CSMD3: variants seen among roughly 807,000 people sequenced by gnomAD.
CSMD3 encodes the protein CUB and Sushi multiple domains 3, also known as CUB and sushi domain-containing protein 3.
Under a neutral mutation model 435.2 loss-of-function variants are expected in CSMD3, and 177 were observed. The observed-to-expected ratio is 0.41, with a 90% CI of 0.36 to 0.46. The LOEUF (loss-of-function observed/expected upper bound fraction) is 0.46. CSMD3 is among the 20% of genes least tolerant of loss of function. The probability of loss-of-function intolerance (pLI) is 0.34; values close to 1 mark genes in which losing one functional copy is unlikely to be tolerated. For missense variants in CSMD3, 4,265 were observed against 4,504.6 expected (o/e 0.95, Z 1.52); for synonymous variants, 1,656 against 1,520.5 (o/e 1.09, Z -2.07).
intron 6 of CSMD3, among the ~76,000 whole-genome samples, chr8:113,007,151 C>T (rs957213485): frequency 6.6e-6 from 1 of 151,922 alleles, no homozygotes; most frequent in African/African-American, 2.4e-5. Context: ...GAAGGGAGAC[C>T]GTAAAGAAAA....
intron 32 of CSMD3, among the ~76,000 whole-genome samples, chr8:112,459,142 C>T (rs1817172627): frequency 6.6e-6 from 1 of 152,064 alleles, no homozygotes; most frequent in African/African-American, 2.4e-5. Context: ...TAATCCCCTG[C>T]AAAATAGCTT....
chr8:112,313,268 G>A (rs187552660), intron 49 of CSMD3, among the ~76,000 whole-genome samples: 131 of 152,190 alleles, frequency 8.6e-4, no homozygotes, highest in African/African-American at 3.1e-3. Context: ...TAAGCATCAC[G>A]CAAGGAAAAG....
At chr8:112,301,149 T>A (rs978286107) in intron 53 of CSMD3, among the ~76,000 whole-genome samples, 1 of 151,944 alleles carries the variant, frequency 6.6e-6, no homozygotes, top group Non-Finnish European at 1.5e-5. Context: ...TAATATTAAA[T>A]AAATTATTGA....
At chr8:112,244,803 T>C (rs1206150766) in intron 64 of CSMD3, among the ~76,000 whole-genome samples, 1 of 151,990 alleles carries the variant, frequency 6.6e-6, no homozygotes, top group African/African-American at 2.4e-5. Context: ...TGTTAATAGA[T>C]GTTAAATAAA....
chr8:112,929,899 A>T (rs2130699406), intron 9 of CSMD3, among the ~76,000 whole-genome samples: 1 of 152,244 alleles, frequency 6.6e-6, no homozygotes, highest in Non-Finnish European at 1.5e-5. Flanking sequence ...AGTTAAAATC[A>T]TTTGAATATA....
chr8:112,886,464 A>G (rs1487911469), intron 10 of CSMD3, among the ~76,000 whole-genome samples: 1 of 151,366 alleles, frequency 6.6e-6, no homozygotes, highest in Non-Finnish European at 1.5e-5. Flanking sequence ...AGAATTCTTT[A>G]CTTTCAAGCA....
chr8:113,399,078 C>CATAT (rs764141337), intron 1 of CSMD3, among the ~76,000 whole-genome samples: 409 of 90,772 alleles, frequency 4.5e-3, no homozygotes, highest in Middle Eastern at 6.4e-3. Flanking sequence ...AAGGATAGTT[C>CATAT]ATATATATAT....
At chr8:112,328,899 T>TA (rs1823767208) in intron 45 of CSMD3, among the ~76,000 whole-genome samples, 1 of 152,178 alleles carries the variant, frequency 6.6e-6, no homozygotes, top group Admixed American at 6.5e-5. Flanking sequence ...TTCTTTCCTT[T>TA]ATAAATTACC....
At chr8:112,961,210 C>A (rs1296159218) in intron 7 of CSMD3, among the ~76,000 whole-genome samples, 1 of 151,548 alleles carries the variant, frequency 6.6e-6, no homozygotes, top group Non-Finnish European at 1.5e-5. Context: ...ATGCAATATA[C>A]CAAAAATTTG....
At chr8:113,148,580 T>G (rs2131770570) in intron 4 of CSMD3, among the ~76,000 whole-genome samples, 1 of 151,840 alleles carries the variant, frequency 6.6e-6, no homozygotes, top group East Asian at 1.9e-4. Context: ...GAAAAAGTAC[T>G]CAACAAATAG....
intron 8 of CSMD3, among the ~76,000 whole-genome samples, chr8:112,954,278 A>G (rs1564144611): frequency 2.0e-5 from 3 of 151,602 alleles, no homozygotes; most frequent in Admixed American, 1.3e-4. Context: ...CTATCTTAAA[A>G]GTAATATTTC....
At chr8:113,331,305 T>A (rs1197948881) in intron 1 of CSMD3, among the ~76,000 whole-genome samples, 1 of 150,576 alleles carries the variant, frequency 6.6e-6, no homozygotes, top group Non-Finnish European at 1.5e-5. Context: ...AAAAAAAAAA[T>A]TGTAAAAAGA....
chr8:112,445,034 GA>G (rs1815439861), intron 32 of CSMD3, among the ~76,000 whole-genome samples: 1 of 152,106 alleles, frequency 6.6e-6, no homozygotes. Flanking sequence ...CTTGAGGTCA[GA>G]AGTTCAAGAC....
chr8:113,283,656 T>C (rs2093627188), intron 2 of CSMD3, among the ~76,000 whole-genome samples: 1 of 152,118 alleles, frequency 6.6e-6, no homozygotes, highest in Non-Finnish European at 1.5e-5. Context: ...ATAACTACTA[T>C]GAAAAACAGT....
At chr8:112,742,996 T>G in intron 13 of CSMD3, among the ~76,000 whole-genome samples, 1 of 151,980 alleles carries the variant, frequency 6.6e-6, no homozygotes, top group East Asian at 1.9e-4. Flanking sequence ...AAATAAAGGG[T>G]CCAGTATTTT....
chr8:112,392,855 C>CT lies in CSMD3; in HGVS notation c.5810-2068dup, dbSNP rs1471055006. On this transcript the variant is annotated intron_variant, in intron 35 of 70. Transcript: ENST00000297405. ...TGAATTCACAGCTCACAGATAGTTT[C>CT]TTTTTTTTCTTTTTTTTTTTTTTTT... Among the ~76,000 whole-genome samples the CT allele has an allele frequency of 5.2e-4, 64 of 123,138 alleles. No homozygotes were observed. The East Asian group carries it at 7.9e-3, about 15-fold the overall frequency. The allele number at this position is 123,138 out of a possible 152,430, so 80.8% of individuals were successfully genotyped here.
chr8:112,931,052 A>C (rs548369925), intron 9 of CSMD3, among the ~76,000 whole-genome samples: 41 of 152,112 alleles, frequency 2.7e-4, no homozygotes, highest in Non-Finnish European at 5.6e-4. Context: ...AGTAGAATAA[A>C]TTAGGTTACC....
At chr8:112,550,400 T>G (rs537377193) in intron 27 of CSMD3, among the ~76,000 whole-genome samples, 1 of 152,114 alleles carries the variant, frequency 6.6e-6, no homozygotes, top group East Asian at 1.9e-4. Flanking sequence ...ATGTAATTTT[T>G]TTTTTAGCTG....
At chr8:112,540,630 A>C (rs1297077787) in intron 27 of CSMD3, among the ~76,000 whole-genome samples, 1 of 152,064 alleles carries the variant, frequency 6.6e-6, no homozygotes, top group Non-Finnish European at 1.5e-5. Context: ...ATTTACAGTA[A>C]CATTGGTGGA....
Sources: gnomAD v4.1 joint callset for allele counts (sites outside exome capture counted in the v4.1 genomes callset) on GRCh38, gnomAD v4.1.1 for gene constraint, MANE v1.5 for transcripts, NCBI Gene and HGNC (gene_info 2026-07-23, HGNC 2026-07-21) for gene names.